AGTPBP1: variants seen among roughly 807,000 people sequenced by gnomAD.
AGTPBP1 encodes ATP/GTP binding carboxypeptidase 1, also known as cytosolic carboxypeptidase 1.
AGTPBP1 carries 70 observed loss-of-function variants against 143.9 expected under a neutral mutation model. That is an observed-to-expected ratio of 0.49 (90% CI 0.40 to 0.59). AGTPBP1 has a LOEUF of 0.59. AGTPBP1 is among the 20% of genes least tolerant of loss of function. AGTPBP1 has a pLI of 0.00. For missense variants in AGTPBP1, 1,229 were observed against 1,464.5 expected (o/e 0.84, Z 2.62); for synonymous variants, 463 against 500.2 (o/e 0.93, Z 0.99).
chr9:85,796,230 T>G, the AGTPBP1 span, among the ~76,000 whole-genome samples: 3 of 152,296 alleles, frequency 2.0e-5, no homozygotes, highest in Admixed American at 2.0e-4. Flanking sequence ...ACAGTAGTGT[T>G]GTAGTAGTAA....
At chr9:85,760,668 G>C in the AGTPBP1 span, among the ~76,000 whole-genome samples, 12,959 of 152,158 alleles carry the variant, frequency 0.085, 629 homozygotes, top group African/African-American at 0.14. Context: ...ATATCGTACT[G>C]AATGGGCAAA....
chr9:85,624,041 G>C (rs1831117928), intron 14 of AGTPBP1, among the ~76,000 whole-genome samples: 1 of 152,162 alleles, frequency 6.6e-6, no homozygotes, highest in South Asian at 2.1e-4. Context: ...AAAAACACAT[G>C]TGATATGTGG....
chr9:85,732,449 T>C (rs954613425), intron 1 of AGTPBP1, among the ~76,000 whole-genome samples: 2 of 151,996 alleles, frequency 1.3e-5, no homozygotes, highest in African/African-American at 2.4e-5. Context: ...AAGAAACCAC[T>C]ATAACTCAAA....
chr9:85,576,275 G>T (rs1827895706), intron 24 of AGTPBP1, among the ~76,000 whole-genome samples: 1 of 152,106 alleles, frequency 6.6e-6, no homozygotes, highest in Admixed American at 6.5e-5. Flanking sequence ...TATATAAGTT[G>T]TAGGTGTAGA....
upstream of AGTPBP1, among the ~76,000 whole-genome samples, chr9:85,746,749 T>C (rs1165918415): frequency 6.6e-6 from 1 of 152,070 alleles, no homozygotes; most frequent in East Asian, 1.9e-4. Flanking sequence ...TCAGGTACTC[T>C]TACCACAAAA....
In AGTPBP1 at chr9:85,741,921, A is replaced by AGCTGCG; in HGVS notation, c.-186_-181dup. On this transcript the variant is annotated 5_prime_UTR_variant, in exon 1 of 26. Transcript: ENST00000357081. ...GCGAGGCGGAGGCGGCGGCGGCGGCAGCTGCGGCGGCGGCGCTGGAGGCGG... is the reference window on the plus strand; with the variant it reads ...GCGAGGCGGAGGCGGCGGCGGCGGCAGCTGCGGCTGCGGCGGCGGCGCTGGAGGCGG... 6.1e-6 allele frequency: 8 copies of AGCTGCG among 1,310,706 alleles called. No homozygotes were observed. Among genetic ancestry groups the AGCTGCG allele is most frequent in the Non-Finnish European group, 7.8e-6 (8 of 1,031,520 alleles). The allele number at this position is 1,310,706 out of a possible 1,614,324, so 81.2% of individuals were successfully genotyped here.
intron 3 of AGTPBP1, among the ~76,000 whole-genome samples, chr9:85,689,925 A>AAAAAAAATATATAT (rs58719163): frequency 4.1e-5 from 3 of 72,498 alleles, no homozygotes; most frequent in African/African-American, 1.4e-4. Context: ...AAAAAAAAAA[A>AAAAAAAATATATAT]ATATATATAT....
At chr9:85,553,044 T>G (rs973232458) in intron 25 of AGTPBP1, among the ~76,000 whole-genome samples, 8 of 152,334 alleles carry the variant, frequency 5.3e-5, no homozygotes, top group African/African-American at 1.7e-4. Flanking sequence ...TTATAAAATT[T>G]TATTCCTATC....
At chr9:85,621,812 G>C (rs1004629581) in intron 14 of AGTPBP1, among the ~76,000 whole-genome samples, 12 of 152,202 alleles carry the variant, frequency 7.9e-5, no homozygotes, top group African/African-American at 2.9e-4. Flanking sequence ...ACACCTGTTT[G>C]AGGGAGCAGA....
chr9:85,680,608 GA>G (rs905950615), intron 4 of AGTPBP1, among the ~76,000 whole-genome samples: 6 of 146,416 alleles, frequency 4.1e-5, no homozygotes, highest in African/African-American at 1.2e-4. Context: ...AGAAAAGAGA[GA>G]AAAAAAAAAC....
chr9:85,679,496 C>T (rs1835038480), intron 4 of AGTPBP1, among the ~76,000 whole-genome samples: 1 of 152,158 alleles, frequency 6.6e-6, no homozygotes, highest in South Asian at 2.1e-4. Context: ...CAAGCTCCGC[C>T]TCCCGGGTTC....
chr9:85,706,246 C>T (rs2134418729), intron 2 of AGTPBP1, among the ~76,000 whole-genome samples: 1 of 151,948 alleles, frequency 6.6e-6, no homozygotes, highest in Admixed American at 6.5e-5. Flanking sequence ...GGCACAATGG[C>T]TCACACCTGT....
intron 21 of AGTPBP1, among the ~76,000 whole-genome samples, chr9:85,587,318 TTTG>T (rs1321286880): frequency 1.3e-5 from 2 of 152,268 alleles, no homozygotes; most frequent in African/African-American, 4.8e-5. Context: ...ATAATAATCA[TTTG>T]TTATGTTAGC....
chr9:85,783,301 CT>C, the AGTPBP1 span, among the ~76,000 whole-genome samples: 8 of 152,274 alleles, frequency 5.3e-5, no homozygotes, highest in South Asian at 1.2e-3. Context: ...ATTTAAAATA[CT>C]TCTATTTTTG....
the AGTPBP1 span, chr9:85,786,585 T>A: frequency 6.2e-7 from 1 of 1,610,312 alleles, no homozygotes; most frequent in Non-Finnish European, 8.5e-7. Context: ...ACTTAGACAT[T>A]GAATAATAGA....
chr9:85,720,122 C>G (rs1037736917), intron 1 of AGTPBP1, among the ~76,000 whole-genome samples: 4 of 152,176 alleles, frequency 2.6e-5, no homozygotes, highest in African/African-American at 9.7e-5. Context: ...CTAAAATTCT[C>G]TTTTATTGTT....
chr9:85,548,807 T>C (rs952616661), intron 25 of AGTPBP1, among the ~76,000 whole-genome samples: 2 of 151,966 alleles, frequency 1.3e-5, no homozygotes, highest in African/African-American at 4.8e-5. Flanking sequence ...CCTGACTAGC[T>C]GGGACTACAG....
At chr9:85,568,099 G>A (rs1291098153) in intron 25 of AGTPBP1, among the ~76,000 whole-genome samples, 1 of 152,144 alleles carries the variant, frequency 6.6e-6, no homozygotes, top group Non-Finnish European at 1.5e-5. Flanking sequence ...AGACTGATCT[G>A]TTCTAAAATA....
the AGTPBP1 span, among the ~76,000 whole-genome samples, chr9:85,781,017 G>A: frequency 2.6e-5 from 4 of 152,054 alleles, no homozygotes; most frequent in Non-Finnish European, 5.9e-5. Flanking sequence ...CTTGGGAGGC[G>A]GAGGCAGGAG....
Sources: allele counts gnomAD v4.1 joint callset (sites outside exome capture counted in the v4.1 genomes callset), GRCh38; gene constraint gnomAD v4.1.1; transcripts MANE v1.5; gene names NCBI Gene and HGNC (gene_info 2026-07-23, HGNC 2026-07-21).